The following MERTK variants were observed in gnomAD, a reference collection of about 807,000 sequenced individuals.
The protein encoded by MERTK is MER proto-oncogene, tyrosine kinase, also known as tyrosine-protein kinase Mer.
In MERTK, 69 loss-of-function variants were observed where a neutral mutation model predicts 99.3. The observed-to-expected ratio is 0.70, with a 90% CI of 0.57 to 0.85. The LOEUF (loss-of-function observed/expected upper bound fraction) is 0.85. Ranked by LOEUF, MERTK falls within the 40% of genes least tolerant of loss-of-function variation. The pLI, the probability that MERTK is intolerant of heterozygous loss-of-function variation, is 0.00. For synonymous variants in MERTK, 426 were observed against 467.6 expected, an observed-to-expected ratio of 0.91 and a Z score of 1.15; for missense variants, 1,125 against 1,249.4, an observed-to-expected ratio of 0.90 and a Z score of 1.50.
At chr2:112,010,772 T>C (rs1435879627) in intron 15 of MERTK, among the ~76,000 whole-genome samples, 1 of 152,242 alleles carries the variant, frequency 6.6e-6, no homozygotes, top group Non-Finnish European at 1.5e-5. Context: ...CCTCCTGTTA[T>C]GTTTTGTGGA....
chr2:112,016,582 T>C (rs1157979721), intron 15 of MERTK, among the ~76,000 whole-genome samples: 3 of 152,210 alleles, frequency 2.0e-5, no homozygotes, highest in Non-Finnish European at 4.4e-5. Context: ...GCTAGGGTGC[T>C]GGACCCATAG....
At chr2:111,932,685 G>T (rs1217077771) in intron 2 of MERTK, among the ~76,000 whole-genome samples, 3 of 152,200 alleles carry the variant, frequency 2.0e-5, no homozygotes, top group African/African-American at 7.2e-5. Flanking sequence ...TTATTTTAGA[G>T]AAATAAGCCT....
At chr2:111,943,300 A>G (rs1306040042) in intron 2 of MERTK, among the ~76,000 whole-genome samples, 1 of 152,210 alleles carries the variant, frequency 6.6e-6, no homozygotes, top group Non-Finnish European at 1.5e-5. Flanking sequence ...TCCCCTGGTC[A>G]TGGTCTTCTT....
intron 1 of MERTK, among the ~76,000 whole-genome samples, chr2:111,904,379 C>CTTT (rs11464692): frequency 6.9e-6 from 1 of 144,218 alleles, no homozygotes; most frequent in Non-Finnish European, 1.5e-5. Flanking sequence ...CCAGAAAATT[C>CTTT]TTTTTTTTTT....
chr2:111,942,695 G>C (rs983419357), intron 2 of MERTK, among the ~76,000 whole-genome samples: 1 of 152,080 alleles, frequency 6.6e-6, no homozygotes, highest in African/African-American at 2.4e-5. Context: ...AAATTATATT[G>C]CTCCTACAAA....
At chr2:111,967,606 C>T (rs1454443329) in intron 5 of MERTK, among the ~76,000 whole-genome samples, 5 of 152,090 alleles carry the variant, frequency 3.3e-5, no homozygotes, top group East Asian at 1.9e-4. Context: ...AGTGTTTCCT[C>T]GGCCTGGAAA....
chr2:112,001,502 T>A (rs1479006312), intron 11 of MERTK, among the ~76,000 whole-genome samples: 1 of 152,018 alleles, frequency 6.6e-6, no homozygotes, highest in Non-Finnish European at 1.5e-5. Context: ...TGACCTGGGG[T>A]TAAAAGGACT....
chr2:111,904,445 C>T (rs1238828150), intron 1 of MERTK, among the ~76,000 whole-genome samples: 3 of 150,232 alleles, frequency 2.0e-5, no homozygotes, highest in Non-Finnish European at 2.9e-5. Context: ...GGCGCGATCT[C>T]GGCTCACTGC....
intron 4 of MERTK, among the ~76,000 whole-genome samples, chr2:111,960,567 T>G (rs751986668): frequency 3.9e-5 from 6 of 152,084 alleles, no homozygotes; most frequent in Admixed American, 1.3e-4. Context: ...TACTTATGTT[T>G]AAGAATCACT....
chr2:111,925,825 AT>A (rs1454230589), intron 1 of MERTK, among the ~76,000 whole-genome samples: 2 of 112,100 alleles, frequency 1.8e-5, no homozygotes, highest in Non-Finnish European at 3.8e-5. Flanking sequence ...CTTTATTATT[AT>A]TTTTTTTAAT....
Position 111,944,888 on chromosome 2 carries a change from A to G in MERTK, c.483-72A>G, listed in dbSNP as rs1684936507. 1.3e-5 allele frequency: 17 copies of G among 1,267,102 alleles called. No individual in the cohort carries two copies. In the East Asian group the frequency reaches 4.0e-4, roughly 30 times the overall value. The allele number at this position is 1,267,102 out of a possible 1,614,324, so 78.5% of individuals were successfully genotyped here. ...TCACAGCATATGACAAAGAAGTTGA[A>G]GAAGTTTCCATCCTATAATAGGAAC... is the stretch of plus-strand genomic sequence containing the variant. On this transcript the variant is annotated intron_variant, in intron 2 of 18. Coordinates refer to ENST00000295408, the MANE Select transcript of MERTK (RefSeq NM_006343.3).
At chr2:111,939,836 C>G (rs1350672830) in intron 2 of MERTK, among the ~76,000 whole-genome samples, 1 of 151,672 alleles carries the variant, frequency 6.6e-6, no homozygotes, top group Non-Finnish European at 1.5e-5. Context: ...TTTTGATTAT[C>G]TTGAATTTAA....
chr2:111,982,775 C>G, intron 7 of MERTK, 67 bp from the exon 8 acceptor site: 1 of 1,564,546 alleles, frequency 6.4e-7, no homozygotes, highest in South Asian at 1.1e-5. Context: ...CACTTGAAAA[C>G]CCAGATGAGA....
At chr2:112,005,571 G>A (rs72825650) in intron 13 of MERTK, among the ~76,000 whole-genome samples, 3,203 of 152,258 alleles carry the variant, frequency 0.021, 59 homozygotes, top group Middle Eastern at 0.068. Context: ...AGCTGTATAA[G>A]TTTGATTCTA....
chr2:111,950,341 A>G (rs1685032997), intron 4 of MERTK, among the ~76,000 whole-genome samples: 1 of 152,212 alleles, frequency 6.6e-6, no homozygotes, highest in Non-Finnish European at 1.5e-5. Context: ...GCAGTTGGCT[A>G]TTATGAATAA....
intron 4 of MERTK, among the ~76,000 whole-genome samples, chr2:111,950,156 G>T (rs1049777242): frequency 6.6e-6 from 1 of 152,096 alleles, no homozygotes; most frequent in African/African-American, 2.4e-5. Flanking sequence ...GGCTGGTCTC[G>T]AATTCCTGAC....
At chr2:112,011,166 A>T (rs1677094974) in intron 15 of MERTK, among the ~76,000 whole-genome samples, 1 of 152,222 alleles carries the variant, frequency 6.6e-6, no homozygotes. Context: ...CCTTCACTGC[A>T]TCAGCGATGG....
chr2:112,027,544 C>T (rs1573653115), intron 18 of MERTK, among the ~76,000 whole-genome samples: 1 of 152,022 alleles, frequency 6.6e-6, no homozygotes, highest in East Asian at 1.9e-4. Flanking sequence ...ATGAAAAAAC[C>T]ACCCAGAAGA....
intron 4 of MERTK, chr2:111,952,633 C>T (rs1225394482): frequency 6.6e-6 from 1 of 152,202 alleles, no homozygotes; most frequent in Non-Finnish European, 1.5e-5. Context: ...TGTACACACT[C>T]ATGGAATCCA....
Sources: gnomAD v4.1 joint callset for allele counts (sites outside exome capture counted in the v4.1 genomes callset) on GRCh38, gnomAD v4.1.1 for gene constraint, MANE v1.5 for transcripts, NCBI Gene and HGNC (gene_info 2026-07-23, HGNC 2026-07-21) for gene names.